The following C8G variants were observed in gnomAD, a reference collection of about 807,000 sequenced individuals.
C8G encodes the protein complement component C8 gamma chain.
In C8G, 38 loss-of-function variants were observed where a neutral mutation model predicts 29.1. The ratio of observed to expected loss-of-function variants is 1.31; its 90% CI spans 1.01 to 1.71. C8G has a LOEUF of 1.71. C8G is among the 40% of genes most tolerant of loss of function. The pLI is 0.00. For missense variants in C8G, 300 were observed against 267.4 expected (o/e 1.12, Z -0.85); for synonymous variants, 158 against 113.2 (o/e 1.40, Z -2.51).
In C8G at chr9:136,945,747, G is replaced by T; in HGVS notation, c.252G>T (p.Met84Ile). 6.4e-7 allele frequency: 1 copy of T among 1,564,430 alleles called. No individual in the cohort carries two copies. The highest frequency in any genetic ancestry group is 1.2e-5 in the South Asian group (1 of 86,066). The change falls in exon 2 of 7, where the codon ATG becomes ATT. Residue 84 changes from methionine to isoleucine, a missense_variant. Coordinates refer to ENST00000371634, the MANE Select transcript of C8G (RefSeq NM_000606.3). ...ATGTGGCTCCCCAGGGCACAGCCAT[G>T]GCTGTCAGTACCTTCCGAAAGCTGT... ...TLHVAPQGTA[M>I]AVSTFRKLDG...
intron 4 of C8G, 32 bp downstream of exon 4, chr9:136,946,224 G>A (rs1851034342): frequency 1.3e-6 from 2 of 1,524,808 alleles, no homozygotes; most frequent in Non-Finnish European, 1.8e-6. Flanking sequence ...TGACCAGGCA[G>A]GCGCTCAAGC....
At position 136,946,166 on chromosome 9, in the gene C8G, C is replaced by G; in HGVS notation, c.428C>G (p.Ala143Gly). 1 of 1,566,746 alleles carries G rather than the reference C, an allele frequency of 6.4e-7. No homozygotes were observed. The highest frequency in any genetic ancestry group is 8.7e-7 in the Non-Finnish European group (1 of 1,154,510). The change falls in exon 4 of 7, where the codon GCG becomes GGG. Residue 143 changes from alanine (A) to glycine (G), a missense_variant. By Grantham distance (60) the Ala-to-Gly change is moderately conservative. Coordinates refer to ENST00000371634, the MANE Select transcript of C8G (RefSeq NM_000606.3). The part of the protein sequence containing the change: ...QSFAVLYLER[A>G]GQLSVKLYAR... ...TTCGCTGTCCTGTACCTGGAGCGGG[C>G]GGGGCAGCTGTCAGTGAAGCTCTAC...
At position 136,945,429 on chromosome 9, in the gene C8G, C is replaced by T. The variant is rs1438145471; in HGVS notation, c.109C>T (p.Gln37Ter). 2 of 1,587,080 alleles carry T rather than the reference C, an allele frequency of 1.3e-6. No individual in the cohort carries two copies. Among genetic ancestry groups the T allele is most frequent in the Admixed American group, 1.8e-5 (1 of 55,340 alleles). Reference sequence around the variant, plus strand: ...GCCCGCATCCCCCATCAGCACCATCCAGCCCAAGGCCAATTTTGATGCTCA... The same window carrying T: ...GCCCGCATCCCCCATCAGCACCATCTAGCCCAAGGCCAATTTTGATGCTCA... The part of the protein sequence containing the change: ...RRPASPISTI[Q>*]PKANFDAQQF... Residue 37 changes from glutamine to a stop codon, truncating the protein, a stop_gained, in exon 1 of 7, where the codon CAG (glutamine) becomes TAG (stop). Transcript: ENST00000371634. LOFTEE classifies it high-confidence loss of function.
At chr9:136,946,711 C>T (rs1229555305) in intron 6 of C8G, 22 bp downstream of exon 6, 4 of 1,611,008 alleles carry the variant, frequency 2.5e-6, no homozygotes, top group Non-Finnish European at 3.4e-6. Context: ...GCGGGGCAAG[C>T]ATGGCGGCGT....
chr9:136,946,707 C>T lies in C8G; in HGVS notation c.595+18C>T, dbSNP rs770956346. The T allele has an allele frequency of 6.2e-7, 1 of 1,611,470 alleles. No individual in the cohort carries two copies. Among genetic ancestry groups the T allele is most frequent in the South Asian group, 1.1e-5 (1 of 91,076 alleles). ...CCTGGACGGTGAGTGCACAGCGGGG[C>T]AAGCATGGCGGCGTGGTGAGGGGGG... On this transcript the variant is annotated intron_variant, in intron 6 of 6. Coordinates refer to ENST00000371634, the MANE Select transcript of C8G (RefSeq NM_000606.3).
chr9:136,945,270 G>C lies in C8G; in HGVS notation c.-51G>C. On this transcript the variant is annotated 5_prime_UTR_variant, in exon 1 of 7. Coordinates refer to ENST00000371634, the MANE Select transcript of C8G (RefSeq NM_000606.3). ...CAGAGTAGACTCTGTCCTGGGACTT[G>C]GTGGTGCTACCCTTGGCCTCCCACA... 2 of 1,544,498 alleles carry C rather than the reference G, an allele frequency of 1.3e-6. No individual in the cohort carries two copies. The highest frequency in any genetic ancestry group is 1.8e-6 in the Non-Finnish European group (2 of 1,142,424).
intron 1 of C8G, 35 bp from the exon 2 acceptor site, chr9:136,945,599 C>T: frequency 6.3e-7 from 1 of 1,599,098 alleles, no homozygotes; most frequent in East Asian, 2.2e-5. Context: ...GGCCCTCCCA[C>T]AGTGCCCTCG....
rs764742363 is a variant in C8G at position 136,945,396 on chromosome 9, C to T, written c.76C>T (p.Pro26Ser). 5 of 1,608,220 alleles carry T rather than the reference C, an allele frequency of 3.1e-6. No individual in the cohort carries two copies. Among genetic ancestry groups the T allele is most frequent in the South Asian group, 1.1e-5 (1 of 90,050 alleles). Residue 26 changes from proline (P) to serine (S), a missense_variant, in exon 1 of 7, where the codon CCA (proline) becomes TCA (serine). Transcript: ENST00000371634. The part of the protein sequence containing the change: ...AGSLGQKPQR[P>S]RRPASPISTI... The stretch of plus-strand genomic sequence containing the variant: ...CTCGCTGGGCCAGAAGCCTCAGAGG[C>T]CACGCCGGCCCGCATCCCCCATCAG...
chr9:136,945,819 C>T (rs769714985), intron 2 of C8G, 49 bp downstream of exon 2: 14 of 1,538,858 alleles, frequency 9.1e-6, no homozygotes, highest in African/African-American at 2.7e-5. Flanking sequence ...TCCTCTCAGC[C>T]CCCGGACTTC....
At position 136,946,744 on chromosome 9, in the gene C8G, GGCTGAGTCTCGTCTCTGCT is replaced by G; in HGVS notation, c.596-21_596-3del. ...CGTGGTGAGGGGGGCCACTGCCACC[GGCTGAGTCTCGTCTCTGCT>G]GCAGAAGTGAGGAGGTGAGGCCGGC... On this transcript the variant is annotated splice_polypyrimidine_tract_variant and splice_region_variant and intron_variant, in intron 6 of 6. Transcript: ENST00000371634. 1.2e-6 allele frequency: 2 copies of G among 1,607,586 alleles called. No individual in the cohort carries two copies. The highest frequency in any genetic ancestry group is 3.3e-5 in the Admixed American group (2 of 59,778).
rs747699740 is a variant in C8G at position 136,945,677 on chromosome 9, G to A, written c.182G>A (p.Arg61His). 22 of 1,606,632 alleles carry A rather than the reference G, an allele frequency of 1.4e-5. No individual in the cohort carries two copies. Among genetic ancestry groups the A allele is most frequent in the East Asian group, 8.9e-5 (4 of 44,786 alleles). The change falls in exon 2 of 7, where the codon CGT becomes CAT. Residue 61 changes from arginine (R) to histidine (H), a missense_variant. Coordinates refer to ENST00000371634, the MANE Select transcript of C8G (RefSeq NM_000606.3). ...WLLVAVGSAC[R>H]FLQEQGHRAE... ...CTTGTGGCTGTGGGCTCCGCTTGCC[G>A]TTTCCTGCAGGAGCAGGGCCACCGG...
Position 136,946,892 on chromosome 9 carries a change from C to A in C8G, c.*111C>A. The A allele has an allele frequency of 7.4e-7, 1 of 1,358,552 alleles. No homozygotes were observed. Among genetic ancestry groups the A allele is most frequent in the Non-Finnish European group, 1.0e-6 (1 of 986,222 alleles). The allele number at this position is 1,358,552 out of a possible 1,614,324, so 84.2% of individuals were successfully genotyped here. On this transcript the variant is annotated 3_prime_UTR_variant, in exon 7 of 7. Coordinates refer to ENST00000371634, the MANE Select transcript of C8G (RefSeq NM_000606.3). Reference sequence around the variant, plus strand: ...AACCAGCCTCAGATCAGGGCCCTGCCACCCAGGGCAGGGGATCTTCTGCCG... The same window carrying A: ...AACCAGCCTCAGATCAGGGCCCTGCAACCCAGGGCAGGGGATCTTCTGCCG...
chr9:136,945,640 G>C lies in C8G; in HGVS notation c.145G>C (p.Gly49Arg), dbSNP rs566621606. 1 of 1,609,738 alleles carries C rather than the reference G, an allele frequency of 6.2e-7. No homozygotes were observed. The highest frequency in any genetic ancestry group is 1.1e-5 in the South Asian group (1 of 90,772). Residue 49 changes from glycine to arginine, a missense_variant, in exon 2 of 7, where the codon GGG becomes CGG. Physicochemically the swap from Gly to Arg is moderately radical, Grantham distance 125. Transcript: ENST00000371634. The stretch of plus-strand genomic sequence containing the variant: ...TCCCATGGTCTGCCCCCAGTTTGCA[G>C]GGACCTGGCTCCTTGTGGCTGTGGG... ...KANFDAQQFA[G>R]TWLLVAVGSA...
rs143480441 is a variant in C8G, at chr9:136,945,387, C to G, written c.67C>G (p.Pro23Ala). ...LLAAGSLGQK[P>A]QRPRRPASPI... Reference sequence around the variant, plus strand: ...GGCAGCTGGCTCGCTGGGCCAGAAGCCTCAGAGGCCACGCCGGCCCGCATC... The same window carrying G: ...GGCAGCTGGCTCGCTGGGCCAGAAGGCTCAGAGGCCACGCCGGCCCGCATC... Residue 23 changes from proline (P) to alanine (A), a missense_variant, in exon 1 of 7, where the codon CCT becomes GCT. Pro to Ala is a conservative substitution (Grantham distance 27). Coordinates refer to ENST00000371634, the MANE Select transcript of C8G (RefSeq NM_000606.3). 245 of 1,612,222 alleles carry G rather than the reference C, an allele frequency of 1.5e-4. No homozygotes were observed. Among genetic ancestry groups the G allele is most frequent in the Non-Finnish European group, 1.8e-4 (208 of 1,179,672 alleles).
intron 4 of C8G, 58 bp downstream of exon 4, chr9:136,946,250 G>A (rs1348604141): frequency 2.0e-6 from 3 of 1,463,490 alleles, no homozygotes; most frequent in African/African-American, 1.4e-5. Context: ...ACACTCACTG[G>A]GCCACCCCGA....
rs1216566821 is a variant in C8G at position 136,946,357 on chromosome 9, TGGGAGCAGGGAGAGGGCCCCGA to T, written c.455-104_455-83del. On this transcript the variant is annotated intron_variant, in intron 4 of 6. Coordinates refer to ENST00000371634, the MANE Select transcript of C8G (RefSeq NM_000606.3). ...GGAGTAGTGACAGACAGGCCTGGTG[TGGGAGCAGGGAGAGGGCCCCGA>T]GGGGGCAGGGGACACACAGACCCCG... The T allele has an allele frequency of 3.5e-6, 5 of 1,441,780 alleles. No individual in the cohort carries two copies. The Admixed American group carries it at 1.1e-4, about 31-fold the overall frequency. The allele number at this position is 1,441,780 out of a possible 1,614,324, so 89.3% of individuals were successfully genotyped here.
intron 1 of C8G, 72 bp from the exon 2 acceptor site, chr9:136,945,562 G>C (rs368024723): frequency 6.4e-7 from 1 of 1,565,546 alleles, no homozygotes; most frequent in Non-Finnish European, 8.7e-7. Flanking sequence ...GTGAAGTTGT[G>C]GGGGGTGTAG....
intron 4 of C8G, 40 bp from the exon 5 acceptor site, chr9:136,946,425 G>C (rs555819113): frequency 1.3e-6 from 2 of 1,541,280 alleles, no homozygotes; most frequent in Non-Finnish European, 1.7e-6. Flanking sequence ...CCTCCACGCC[G>C]CCTGGTGCCA....
rs748141490 is a variant in C8G at position 136,946,841 on chromosome 9, G to T, written c.*60G>T. 2.0e-6 allele frequency: 3 copies of T among 1,534,858 alleles called. No individual in the cohort carries two copies. The highest frequency in any genetic ancestry group is 2.6e-6 in the Non-Finnish European group (3 of 1,144,568). Reference sequence around the variant, plus strand: ...GCCCCGAGAGACGACCCCACCAGTGGGGTGCCCGCTGCCTGTCCTCCGTGA... The same window carrying T: ...GCCCCGAGAGACGACCCCACCAGTGTGGTGCCCGCTGCCTGTCCTCCGTGA... On this transcript the variant is annotated 3_prime_UTR_variant, in exon 7 of 7. Coordinates refer to ENST00000371634, the MANE Select transcript of C8G (RefSeq NM_000606.3).
Sources: allele counts gnomAD v4.1 joint callset, GRCh38; gene constraint gnomAD v4.1.1; transcripts MANE v1.5; gene names NCBI Gene and HGNC (gene_info 2026-07-23, HGNC 2026-07-21).